Variants in ACOXL observed in about 807,000 individuals in gnomAD.
ACOXL encodes the protein acyl-coenzyme A oxidase-like protein.
Under a neutral mutation model 71.9 loss-of-function variants are expected in ACOXL, and 70 were observed. The observed-to-expected ratio is 0.97, with a 90% CI of 0.80 to 1.19. The LOEUF (loss-of-function observed/expected upper bound fraction) is 1.19. Among genes scored for constraint, ACOXL ranks in the 50% most tolerant of loss-of-function variants. ACOXL has a pLI of 0.00. For missense variants in ACOXL, 703 were observed against 736.3 expected, an observed-to-expected ratio of 0.95 and a Z score of 0.52; for synonymous variants, 253 against 281.6, an observed-to-expected ratio of 0.90 and a Z score of 1.02.
intron 10 of ACOXL, 40 bp from the exon 11 acceptor site, chr2:110,908,749 C>T: frequency 6.4e-7 from 1 of 1,550,956 alleles, no homozygotes; most frequent in Non-Finnish European, 8.9e-7. Flanking sequence ...CCTCCCGCTC[C>T]TGGATTTTGG....
chr2:111,095,391 C>CTTTTTTTTTTTTT (rs780172456), intron 17 of ACOXL, among the ~76,000 whole-genome samples: 1 of 116,592 alleles, frequency 8.6e-6, no homozygotes, highest in Non-Finnish European at 1.7e-5. Flanking sequence ...TTTTCTTTTT[C>CTTTTTTTTTTTTT]TTTTTTTTTT....
At chr2:111,065,300 G>A (rs2067012284) in intron 16 of ACOXL, among the ~76,000 whole-genome samples, 1 of 152,040 alleles carries the variant, frequency 6.6e-6, no homozygotes. Flanking sequence ...ACATCCATAG[G>A]CAAAATAAGA....
At chr2:110,999,865 C>T (rs1384791) in intron 14 of ACOXL, among the ~76,000 whole-genome samples, 13,378 of 152,192 alleles carry the variant, frequency 0.088, 729 homozygotes, top group East Asian at 0.22. Context: ...TTGCTGCAAC[C>T]TCATGAGAGT....
chr2:110,955,253 G>A (rs1877656), intron 12 of ACOXL, among the ~76,000 whole-genome samples: 9,089 of 152,022 alleles, frequency 0.06, 579 homozygotes, highest in East Asian at 0.19. Context: ...TGCCTCTGCA[G>A]TTTTGATTCT....
chr2:110,918,429 A>G (rs1187274219), intron 11 of ACOXL, among the ~76,000 whole-genome samples: 1 of 152,176 alleles, frequency 6.6e-6, no homozygotes, highest in East Asian at 1.9e-4. Context: ...TAAAGACTTA[A>G]GACCTAAAAC....
At chr2:110,780,032 G>GA (rs953897273) in intron 2 of ACOXL, among the ~76,000 whole-genome samples, 3 of 152,248 alleles carry the variant, frequency 2.0e-5, no homozygotes, top group African/African-American at 7.2e-5. Context: ...TACAAAGTAG[G>GA]AAAAAATCTG....
intron 12 of ACOXL, chr2:110,963,736 A>T: frequency 6.2e-7 from 1 of 1,613,464 alleles, no homozygotes. Flanking sequence ...AAATGTTTTC[A>T]AGATCAAGAG....
chr2:110,871,831 C>T (rs771288354), intron 10 of ACOXL, among the ~76,000 whole-genome samples: 3 of 152,094 alleles, frequency 2.0e-5, no homozygotes, highest in South Asian at 2.1e-4. Context: ...AGCAAGGGGA[C>T]GCTTCCTTTG....
chr2:110,852,736 C>CT (rs1692772270), intron 10 of ACOXL, among the ~76,000 whole-genome samples: 1 of 152,052 alleles, frequency 6.6e-6, no homozygotes, highest in Admixed American at 6.6e-5. Context: ...GATGAGGCAG[C>CT]TTTTTTTTCT....
intron 10 of ACOXL, among the ~76,000 whole-genome samples, chr2:110,877,736 G>A (rs1312846283): frequency 6.6e-6 from 1 of 152,216 alleles, no homozygotes; most frequent in Non-Finnish European, 1.5e-5. Context: ...AGACCAGAAA[G>A]GCCCACTGGG....
chr2:111,028,718 G>A (rs1381634491), intron 14 of ACOXL, among the ~76,000 whole-genome samples: 1 of 152,166 alleles, frequency 6.6e-6, no homozygotes, highest in Non-Finnish European at 1.5e-5. Flanking sequence ...AAAGGCGAAT[G>A]GATATGGGGA....
chr2:110,768,098 C>T lies in ACOXL; in HGVS notation c.-22-270C>T, dbSNP rs146269513. Among the ~76,000 whole-genome samples, 303 of 152,220 alleles carry T rather than the reference C, an allele frequency of 2.0e-3. 2 individuals carry two copies. The highest frequency in any genetic ancestry group is 7.0e-3 in the African/African-American group (290 of 41,522). On this transcript the variant is annotated intron_variant, in intron 1 of 17. Transcript: ENST00000439055. ...AGTGAGCCGAGATTGCACTGCTGCA[C>T]GCCAGCCTAGGCAACAGAGTGAGAC... is the stretch of plus-strand genomic sequence containing the variant.
chr2:111,039,746 A>T (rs905091205), intron 15 of ACOXL, among the ~76,000 whole-genome samples: 1 of 152,210 alleles, frequency 6.6e-6, no homozygotes, highest in African/African-American at 2.4e-5. Flanking sequence ...GTAGATTTTT[A>T]TAACTATGGG....
intron 2 of ACOXL, among the ~76,000 whole-genome samples, chr2:110,769,515 A>G (rs1681597670): frequency 1.3e-5 from 2 of 151,998 alleles, no homozygotes; most frequent in Admixed American, 1.3e-4. Context: ...CTGGCCAGGC[A>G]CAGTGGCTCA....
intron 12 of ACOXL, among the ~76,000 whole-genome samples, chr2:110,935,301 G>A (rs2060620908): frequency 6.6e-6 from 1 of 152,124 alleles, no homozygotes; most frequent in African/African-American, 2.4e-5. Flanking sequence ...CAGTTCACAG[G>A]TGGGCAGGCC....
At chr2:111,009,009 T>G (rs921823408) in intron 14 of ACOXL, among the ~76,000 whole-genome samples, 1 of 152,234 alleles carries the variant, frequency 6.6e-6, no homozygotes, top group Non-Finnish European at 1.5e-5. Flanking sequence ...TTTGTCATAT[T>G]GAAAAAATTT....
At chr2:110,786,652 G>A (rs1683997516) in intron 3 of ACOXL, among the ~76,000 whole-genome samples, 1 of 152,166 alleles carries the variant, frequency 6.6e-6, no homozygotes, top group Admixed American at 6.5e-5. Flanking sequence ...CACAGGTGGT[G>A]GCAGCTCTCT....
At chr2:111,052,231 TG>T (rs1319040399) in intron 16 of ACOXL, among the ~76,000 whole-genome samples, 6 of 152,214 alleles carry the variant, frequency 3.9e-5, no homozygotes, top group African/African-American at 1.4e-4. Flanking sequence ...ACCAGAAAGC[TG>T]GGCTTCTTCC....
chr2:111,038,406 T>G (rs2065624380), intron 15 of ACOXL, among the ~76,000 whole-genome samples: 1 of 152,246 alleles, frequency 6.6e-6, no homozygotes, highest in African/African-American at 2.4e-5. Flanking sequence ...TTTCCCACTT[T>G]TTAAATGTGT....
Sources: allele counts gnomAD v4.1 joint callset (sites outside exome capture counted in the v4.1 genomes callset), GRCh38; gene constraint gnomAD v4.1.1; transcripts MANE v1.5; gene names NCBI Gene and HGNC (gene_info 2026-07-23, HGNC 2026-07-21).